Variants in STAB2 observed in about 807,000 individuals in gnomAD.
STAB2 encodes the protein stabilin 2, also known as stabilin-2.
Under a neutral mutation model 338.1 loss-of-function variants are expected in STAB2, and 288 were observed. The observed-to-expected ratio is 0.85, with a 90% CI of 0.77 to 0.94. STAB2 has a LOEUF of 0.94. STAB2 is among the 40% of genes least tolerant of loss of function. STAB2 has a pLI of 0.00. For synonymous variants in STAB2, 1,202 were observed against 1,193.3 expected (o/e 1.01, Z -0.15); for missense variants, 3,141 against 3,210.1 (o/e 0.98, Z 0.52).
intron 5 of STAB2, among the ~76,000 whole-genome samples, chr12:103,629,147 T>A (rs1248531115): frequency 6.6e-6 from 1 of 152,220 alleles, no homozygotes; most frequent in African/African-American, 2.4e-5. Flanking sequence ...CCCTGACAGC[T>A]GTCCCCTGGC....
intron 1 of STAB2, 136 bp downstream of exon 1, chr12:103,587,693 A>C: frequency 1.4e-6 from 1 of 737,022 alleles, no homozygotes. Flanking sequence ...TTTGGAGACT[A>C]AGTCCTAATT....
chr12:103,603,591 A>T (rs905601164), intron 3 of STAB2, among the ~76,000 whole-genome samples: 2 of 152,208 alleles, frequency 1.3e-5, no homozygotes, highest in African/African-American at 4.8e-5. Context: ...TCCTTCCATG[A>T]ATACCACACT....
intron 39 of STAB2, among the ~76,000 whole-genome samples, chr12:103,710,612 CATG>C (rs1185780502): frequency 6.6e-6 from 1 of 152,186 alleles, no homozygotes; most frequent in Admixed American, 6.5e-5. Flanking sequence ...GGACATAAAA[CATG>C]ATTGAAATGC....
Position 103,753,360 on chromosome 12 carries a change from C to A in STAB2, c.6714+7C>A, listed in dbSNP as rs1423975144. 6.2e-7 allele frequency: 1 copy of A among 1,614,034 alleles called. No individual in the cohort carries two copies. The highest frequency in any genetic ancestry group is 8.5e-7 in the Non-Finnish European group (1 of 1,179,966). ...GCTCTCCTATGCCCAGAAGGTGGGT[C>A]TTCAGTTAGCAGATTCTGTGCAGAC... is the stretch of plus-strand genomic sequence containing the variant. On this transcript the variant is annotated splice_region_variant and intron_variant, in intron 61 of 68. Transcript: ENST00000388887.
chr12:103,750,963 G>A (rs531908411), intron 60 of STAB2, among the ~76,000 whole-genome samples: 9 of 152,298 alleles, frequency 5.9e-5, no homozygotes, highest in South Asian at 2.1e-4. Context: ...GTGGCAGTGC[G>A]CGCCTGTAAT....
chr12:103,641,795 A>G (rs554332568), intron 9 of STAB2, among the ~76,000 whole-genome samples: 99 of 152,336 alleles, frequency 6.5e-4, no homozygotes, highest in Admixed American at 8.5e-4. Context: ...TTAGGGGTAC[A>G]TGTATCACCC....
chr12:103,657,248 G>A (rs12368407), intron 15 of STAB2, among the ~76,000 whole-genome samples: 25,862 of 142,396 alleles, frequency 0.18, 2,377 homozygotes, highest in South Asian at 0.24. Context: ...AAAAAAAAAG[G>A]TAATGTTGTT....
At chr12:103,617,056 T>A (rs1043705582) in intron 3 of STAB2, among the ~76,000 whole-genome samples, 2 of 152,244 alleles carry the variant, frequency 1.3e-5, no homozygotes, top group Admixed American at 6.5e-5. Context: ...TTTTGCCATC[T>A]GTTGAGATCA....
At chr12:103,721,501 G>A (rs887678265) in intron 44 of STAB2, among the ~76,000 whole-genome samples, 4 of 152,184 alleles carry the variant, frequency 2.6e-5, no homozygotes, top group African/African-American at 7.2e-5. Flanking sequence ...GTTGTGACTA[G>A]GAAGCCACTG....
At chr12:103,598,058 A>G (rs775243109) in intron 3 of STAB2, among the ~76,000 whole-genome samples, 2 of 152,224 alleles carry the variant, frequency 1.3e-5, no homozygotes, top group Non-Finnish European at 2.9e-5. Context: ...ATAATAGACC[A>G]CAAGGATTTG....
Position 103,766,312 on chromosome 12 carries a change from C to A in STAB2, c.7632C>A (p.Gly2544=). ...FTDSEERQLE[G]NDPLRTL ...ACTCTGAAGAACGGCAGCTTGAGGG[C>A]AATGACCCCTTGAGGACACTGTGAG... The change falls in exon 69 of 69, where the codon GGC becomes GGA. Residue 2544 remains glycine (G), a synonymous_variant. Transcript: ENST00000388887. The A allele has an allele frequency of 6.2e-7, 1 of 1,613,828 alleles. No individual in the cohort carries two copies. Among genetic ancestry groups the A allele is most frequent in the Non-Finnish European group, 8.5e-7 (1 of 1,179,828 alleles).
At position 103,713,804 on chromosome 12, in the gene STAB2, A is replaced by G. The variant is rs57749959; in HGVS notation, c.4537+36A>G. On this transcript the variant is annotated intron_variant, in intron 42 of 68. Coordinates refer to ENST00000388887, the MANE Select transcript of STAB2 (RefSeq NM_017564.10). ...TTCCCTCTTCCATCGGCGAAATGGT[A>G]TAAGAGTCATAGCCCTATTAAATGA... 0.024 allele frequency: 39,326 copies of G among 1,610,750 alleles called. 727 individuals carry two copies. Among genetic ancestry groups the G allele is most frequent in the African/African-American group, 0.09 (6,760 of 74,932 alleles).
At chr12:103,632,057 T>G (rs1027089526) in intron 6 of STAB2, among the ~76,000 whole-genome samples, 1 of 152,052 alleles carries the variant, frequency 6.6e-6, no homozygotes, top group Non-Finnish European at 1.5e-5. Flanking sequence ...ATCTTCTCAA[T>G]TATGAGCCTC....
intron 22 of STAB2, 87 bp downstream of exon 22, chr12:103,670,894 T>C (rs769358003): frequency 1.4e-4 from 149 of 1,073,412 alleles, no homozygotes; most frequent in Middle Eastern, 4.7e-4. Flanking sequence ...GGCTGGTGTC[T>C]CAGGACCCCT....
chr12:103,660,622 G>T, intron 16 of STAB2, 61 bp from the exon 17 acceptor site: 1 of 1,562,118 alleles, frequency 6.4e-7, no homozygotes, highest in Non-Finnish European at 8.8e-7. Context: ...AGGACTTTAA[G>T]AACTCAGGGC....
intron 35 of STAB2, 70 bp downstream of exon 35, chr12:103,703,346 G>T: frequency 5.1e-6 from 8 of 1,562,516 alleles, no homozygotes; most frequent in Non-Finnish European, 6.9e-6. Context: ...AATTTTGGGG[G>T]CATAAGGCTT....
At chr12:103,765,890 G>T (rs528972877) in intron 68 of STAB2, 13 of 355,956 alleles carry the variant, frequency 3.7e-5, no homozygotes, top group South Asian at 2.6e-4. Context: ...GCCACCACTG[G>T]TTCAAGATGA....
At chr12:103,763,899 A>G (rs945389878) in intron 68 of STAB2, 1 of 263,492 alleles carries the variant, frequency 3.8e-6, no homozygotes, top group Non-Finnish European at 7.1e-6. Context: ...CCACAGTGAA[A>G]AAAAGTCTTG....
chr12:103,700,956 A>G (rs1045303958), intron 34 of STAB2, among the ~76,000 whole-genome samples: 166 of 150,338 alleles, frequency 1.1e-3, no homozygotes, highest in Non-Finnish European at 2.0e-3. Flanking sequence ...CTAACTCGTC[A>G]TCTAGCATTA....
Sources: gnomAD v4.1 joint callset for allele counts (sites outside exome capture counted in the v4.1 genomes callset) on GRCh38, gnomAD v4.1.1 for gene constraint, MANE v1.5 for transcripts, NCBI Gene and HGNC (gene_info 2026-07-23, HGNC 2026-07-21) for gene names.